The following ADRA1A variants were observed in gnomAD, a reference collection of about 807,000 sequenced individuals.
ADRA1A encodes the protein adrenoceptor alpha 1A.
Under a neutral mutation model 29.6 loss-of-function variants are expected in ADRA1A, and 31 were observed. The observed-to-expected ratio is 1.05, with a 90% CI of 0.79 to 1.41. ADRA1A has a LOEUF of 1.41. Among genes scored for constraint, ADRA1A ranks in the 40% most tolerant of loss-of-function variants. The pLI, the probability that ADRA1A is intolerant of heterozygous loss-of-function variation, is 0.00. For synonymous variants in ADRA1A, 311 were observed against 254.3 expected, an observed-to-expected ratio of 1.22 and a Z score of -2.12; for missense variants, 619 against 601.1, an observed-to-expected ratio of 1.03 and a Z score of -0.31.
intron 2 of ADRA1A, among the ~76,000 whole-genome samples, chr8:26,790,890 C>G (rs1807766370): frequency 6.6e-6 from 1 of 152,142 alleles, no homozygotes; most frequent in Non-Finnish European, 1.5e-5. Context: ...TTAAAAATTA[C>G]TGTGTCTTTT....
In ADRA1A at chr8:26,806,852, AG is replaced by A. The variant is rs1215989677; in HGVS notation, c.884-36187del. Among the ~76,000 whole-genome samples, 1 of 152,052 alleles carries A rather than the reference AG, an allele frequency of 6.6e-6. No individual in the cohort carries two copies. Among genetic ancestry groups the A allele is most frequent in the Non-Finnish European group, 1.5e-5 (1 of 68,010 alleles). ...CCTCAGCTTCCCAGAGTGGGTGGGG[AG>A]GGGGCTGGCATCTGTGATAATGAGA... On this transcript the variant is annotated intron_variant, in intron 2 of 2. Coordinates refer to ENST00000380573, the MANE Select transcript of ADRA1A (RefSeq NM_000680.4). This position sits in a 1 kb window ranked among gnomAD's most constrained non-coding sequence, Gnocchi z 4.6.
chr8:26,771,532 G>A (rs746770109), intron 2 of ADRA1A, among the ~76,000 whole-genome samples: 5 of 152,200 alleles, frequency 3.3e-5, no homozygotes, highest in East Asian at 1.9e-4. Flanking sequence ...CTCAGGACCC[G>A]TCACATCCTG....
In ADRA1A at chr8:26,853,069, A is replaced by T. The variant is rs190389248; in HGVS notation, c.883+11018T>A. ...AAGATTATATTGATGGATATCAATA[A>T]AGCAAATGTTTAATTTAACAAAATT... On this transcript the variant is annotated intron_variant, in intron 2 of 2. Coordinates refer to ENST00000380573, the MANE Select transcript of ADRA1A (RefSeq NM_000680.4). Among the ~76,000 whole-genome samples the T allele has an allele frequency of 6.3e-3, 955 of 152,326 alleles. 2 individuals carry two copies. The highest frequency in any genetic ancestry group is 0.014 in the South Asian group (67 of 4,830).
chr8:26,749,858 G>C (rs962280708), intron 2 of ADRA1A, among the ~76,000 whole-genome samples: 1 of 152,136 alleles, frequency 6.6e-6, no homozygotes, highest in Non-Finnish European at 1.5e-5. Context: ...TATCTCCATT[G>C]CTTTACGATC....
Position 26,821,667 on chromosome 8 carries a change from A to G in ADRA1A, c.883+42420T>C, listed in dbSNP as rs891925377. 6.6e-6 allele frequency among the ~76,000 whole-genome samples: 1 copy of G among 152,200 alleles called. No individual in the cohort carries two copies. The highest frequency in any genetic ancestry group is 2.4e-5 in the African/African-American group (1 of 41,462). On this transcript the variant is annotated intron_variant, in intron 2 of 2. Coordinates refer to ENST00000380573, the MANE Select transcript of ADRA1A (RefSeq NM_000680.4). The surrounding 1 kb of genome is among the most constrained non-coding windows in gnomAD (Gnocchi z 5.6). ...GTACAATATCACAACCAGGATATTG[A>G]CAACGATACAGTCAAGATACAGAAT...
At chr8:26,834,147 A>G (rs1169227038) in intron 2 of ADRA1A, among the ~76,000 whole-genome samples, 1 of 152,238 alleles carries the variant, frequency 6.6e-6, no homozygotes, top group Non-Finnish European at 1.5e-5. Context: ...TACTCACAGT[A>G]GCAACAAAAC....
chr8:26,813,488 C>CCA (rs1809555319), intron 2 of ADRA1A, among the ~76,000 whole-genome samples: 1 of 149,478 alleles, frequency 6.7e-6, no homozygotes. Flanking sequence ...CCTCTTGCAT[C>CCA]TATCCATCCA....
intron 2 of ADRA1A, among the ~76,000 whole-genome samples, chr8:26,849,956 A>G (rs564751999): frequency 1.8e-4 from 27 of 151,162 alleles, no homozygotes; most frequent in Admixed American, 1.3e-4. Flanking sequence ...AAAGTGGAAC[A>G]TGAACTTGAG....
intron 2 of ADRA1A, among the ~76,000 whole-genome samples, chr8:26,855,229 G>GTGTGTT (rs1430841950): frequency 6.6e-6 from 1 of 152,012 alleles, no homozygotes; most frequent in African/African-American, 2.4e-5. Context: ...GTGTGTGTGT[G>GTGTGTT]TGTGCATGTG....
chr8:26,812,858 GA>G (rs1466396424), intron 2 of ADRA1A, among the ~76,000 whole-genome samples: 1 of 151,812 alleles, frequency 6.6e-6, no homozygotes, highest in Non-Finnish European at 1.5e-5. Context: ...GTAGAGACTG[GA>G]GTTTCACCGT....
At chr8:26,861,946 A>T (rs369484299) in intron 2 of ADRA1A, among the ~76,000 whole-genome samples, 5 of 151,780 alleles carry the variant, frequency 3.3e-5, no homozygotes, top group South Asian at 2.1e-4. Context: ...TCTTGCCCCC[A>T]AACAGCCAAT....
chr8:26,839,631 G>C (rs576340578), intron 2 of ADRA1A, among the ~76,000 whole-genome samples: 1 of 152,264 alleles, frequency 6.6e-6, no homozygotes, highest in African/African-American at 2.4e-5. Flanking sequence ...CTTGAATAAA[G>C]TAAATAAAAG....
intron 2 of ADRA1A, chr8:26,778,964 T>A (rs60615389): frequency 1.3e-5 from 2 of 152,190 alleles, no homozygotes; most frequent in Non-Finnish European, 2.9e-5. Flanking sequence ...TATATATATA[T>A]AAATTTTTTT....
rs112383591 is a variant in ADRA1A at position 26,825,796 on chromosome 8, G to A, written c.883+38291C>T. Among the ~76,000 whole-genome samples the A allele has an allele frequency of 6.3e-3, 962 of 152,298 alleles. 7 individuals carry two copies. The highest frequency in any genetic ancestry group is 0.025 in the South Asian group (119 of 4,824). On this transcript the variant is annotated intron_variant, in intron 2 of 2. Coordinates refer to ENST00000380573, the MANE Select transcript of ADRA1A (RefSeq NM_000680.4). The surrounding 1 kb of genome is among the most constrained non-coding windows in gnomAD (Gnocchi z 5.7). Reference sequence around the variant, plus strand: ...TTGTATCCTGCGGGCATTCTGGTTCGATACTAGGCACAGTGTTGATTGCCT... The same window carrying A: ...TTGTATCCTGCGGGCATTCTGGTTCAATACTAGGCACAGTGTTGATTGCCT...
At chr8:26,788,720 A>G (rs1374057194) in intron 2 of ADRA1A, among the ~76,000 whole-genome samples, 1 of 152,082 alleles carries the variant, frequency 6.6e-6, no homozygotes, top group East Asian at 1.9e-4. Context: ...AGCCAATAAG[A>G]GTGAAGCTGG....
chr8:26,824,187 C>T (rs1214644300), intron 2 of ADRA1A, among the ~76,000 whole-genome samples: 1 of 151,910 alleles, frequency 6.6e-6, no homozygotes, highest in Admixed American at 6.6e-5. Flanking sequence ...GAAAGAAAGG[C>T]ACTTAGAACT....
downstream of ADRA1A, among the ~76,000 whole-genome samples, chr8:26,764,820 C>T (rs187897138): frequency 6.4e-4 from 97 of 152,270 alleles, no homozygotes; most frequent in Non-Finnish European, 1.0e-3. Context: ...CTACAGGATC[C>T]GGCTTTTGAA....
intron 2 of ADRA1A, among the ~76,000 whole-genome samples, chr8:26,757,763 G>C (rs180971649): frequency 2.0e-5 from 3 of 152,226 alleles, no homozygotes; most frequent in African/African-American, 7.2e-5. Flanking sequence ...TATTTCCTTA[G>C]ATGATGTTAC....
intron 2 of ADRA1A, among the ~76,000 whole-genome samples, chr8:26,837,949 G>A (rs1315810089): frequency 6.6e-6 from 1 of 152,154 alleles, no homozygotes; most frequent in Non-Finnish European, 1.5e-5. Context: ...AATTAGAATT[G>A]TCTTTTAGTG....
Sources: allele counts gnomAD v4.1 joint callset (sites outside exome capture counted in the v4.1 genomes callset), GRCh38; gene constraint gnomAD v4.1.1; non-coding constraint Gnocchi (gnomAD v3.1); transcripts MANE v1.5; gene names NCBI Gene and HGNC (gene_info 2026-07-23, HGNC 2026-07-21).